The following BMAL1 variants were observed in gnomAD, a reference collection of about 807,000 sequenced individuals.
BMAL1 encodes basic helix-loop-helix ARNT-like protein 1.
the BMAL1 span, among the ~76,000 whole-genome samples, chr11:13,345,543 T>G: frequency 6.6e-6 from 1 of 152,240 alleles, no homozygotes; most frequent in African/African-American, 2.4e-5. Flanking sequence ...TTTTATGTTT[T>G]GTTTGTTTAT....
the BMAL1 span, among the ~76,000 whole-genome samples, chr11:13,322,956 AT>A: frequency 2.1e-3 from 301 of 140,742 alleles, no homozygotes; most frequent in Admixed American, 4.4e-3. Context: ...TGCCTGTCTG[AT>A]TTTTTTTTTT....
the BMAL1 span, among the ~76,000 whole-genome samples, chr11:13,342,423 A>G: frequency 1.3e-5 from 2 of 152,148 alleles, no homozygotes; most frequent in African/African-American, 4.8e-5. Context: ...TTTAATCCTG[A>G]ATGGCCTTGC....
At chr11:13,337,366 A>G in the BMAL1 span, among the ~76,000 whole-genome samples, 1 of 152,186 alleles carries the variant, frequency 6.6e-6, no homozygotes, top group Non-Finnish European at 1.5e-5. Flanking sequence ...ATATCAATGT[A>G]TATCAGTTCA....
chr11:13,289,112 C>G, the BMAL1 span, among the ~76,000 whole-genome samples: 1 of 152,200 alleles, frequency 6.6e-6, no homozygotes, highest in African/African-American at 2.4e-5. Context: ...ACAGGTATAA[C>G]AATTCCTGTT....
the BMAL1 span, among the ~76,000 whole-genome samples, chr11:13,300,038 T>A: frequency 2.0e-5 from 3 of 152,198 alleles, no homozygotes; most frequent in African/African-American, 7.2e-5. Flanking sequence ...TCATGGCTGT[T>A]TGAGGATGGA....
the BMAL1 span, among the ~76,000 whole-genome samples, chr11:13,368,202 T>G: frequency 1.3e-5 from 2 of 152,182 alleles, no homozygotes; most frequent in African/African-American, 4.8e-5. Context: ...GCACCCTGCA[T>G]AGTAATAGGT....
the BMAL1 span, among the ~76,000 whole-genome samples, chr11:13,344,715 G>A: frequency 1.3e-5 from 2 of 152,198 alleles, no homozygotes; most frequent in African/African-American, 4.8e-5. Context: ...AGGACTTGCA[G>A]TGGGGACAGG....
the BMAL1 span, among the ~76,000 whole-genome samples, chr11:13,322,077 C>T: frequency 1.3e-5 from 2 of 152,156 alleles, no homozygotes; most frequent in Admixed American, 1.3e-4. Context: ...GAGTGAGCAT[C>T]CTGGCTCCTG....
At chr11:13,281,272 T>A in the BMAL1 span, among the ~76,000 whole-genome samples, 1 of 152,268 alleles carries the variant, frequency 6.6e-6, no homozygotes, top group South Asian at 2.1e-4. Context: ...GAGCCTGCTG[T>A]GTACCAGGCA....
At chr11:13,311,920 A>G in the BMAL1 span, among the ~76,000 whole-genome samples, 1 of 152,122 alleles carries the variant, frequency 6.6e-6, no homozygotes, top group East Asian at 1.9e-4. Context: ...ATTGAAATAA[A>G]CCTTCTTACT....
the BMAL1 span, among the ~76,000 whole-genome samples, chr11:13,347,119 G>C: frequency 2.8e-3 from 428 of 152,220 alleles, 2 homozygotes; most frequent in African/African-American, 9.7e-3. Flanking sequence ...GAGGCTGGGC[G>C]TGGTGGCTCA....
At chr11:13,385,803 C>A in the BMAL1 span, 3 of 1,590,720 alleles carry the variant, frequency 1.9e-6, no homozygotes, top group Non-Finnish European at 1.7e-6. Context: ...TAAGTGGCAT[C>A]ATTATTCGTT....
At chr11:13,368,610 C>T in the BMAL1 span, among the ~76,000 whole-genome samples, 58 of 152,240 alleles carry the variant, frequency 3.8e-4, no homozygotes, top group Middle Eastern at 3.4e-3. Context: ...GGCCATTCCT[C>T]GGCACACTTG....
the BMAL1 span, chr11:13,369,500 C>A: frequency 1.7e-6 from 2 of 1,188,974 alleles, no homozygotes; most frequent in Non-Finnish European, 2.4e-6. Context: ...ATATTTATCT[C>A]ATGTCATCAT....
At chr11:13,283,639 C>A in the BMAL1 span, among the ~76,000 whole-genome samples, 1 of 152,158 alleles carries the variant, frequency 6.6e-6, no homozygotes, top group African/African-American at 2.4e-5. Context: ...CCGCACCATG[C>A]CAGGAGCCTA....
the BMAL1 span, among the ~76,000 whole-genome samples, chr11:13,291,422 G>T: frequency 0.27 from 41,289 of 151,998 alleles, 5,719 homozygotes; most frequent in East Asian, 0.46. Flanking sequence ...CTGATGTGTT[G>T]TGGTGGTGAT....
At chr11:13,315,717 G>C in the BMAL1 span, among the ~76,000 whole-genome samples, 1 of 152,180 alleles carries the variant, frequency 6.6e-6, no homozygotes, top group Non-Finnish European at 1.5e-5. Flanking sequence ...ATGAATGTTT[G>C]TTCCCTCACT....
the BMAL1 span, chr11:13,386,745 T>C: frequency 6.2e-7 from 1 of 1,613,974 alleles, no homozygotes. Context: ...TGACTTGCCA[T>C]GGCCGCTGTA....
the BMAL1 span, among the ~76,000 whole-genome samples, chr11:13,324,520 G>T: frequency 6.6e-6 from 1 of 152,136 alleles, no homozygotes; most frequent in South Asian, 2.1e-4. Flanking sequence ...GTCTGAAAAA[G>T]CACCGTTCTG....
Sources: gnomAD v4.1 joint callset for allele counts (sites outside exome capture counted in the v4.1 genomes callset) on GRCh38, gnomAD v4.1.1 for gene constraint, MANE v1.5 for transcripts, NCBI Gene and HGNC (gene_info 2026-07-23, HGNC 2026-07-21) for gene names.